ZNF862: variants seen among roughly 807,000 people sequenced by gnomAD.
ZNF862 encodes zinc finger protein 862.
In ZNF862, 64 loss-of-function variants were observed where a neutral mutation model predicts 91.1. That is an observed-to-expected ratio of 0.70 (90% CI 0.57 to 0.87). The LOEUF (loss-of-function observed/expected upper bound fraction) is 0.87, where lower values mean the gene tolerates loss of function less well. ZNF862 is among the 40% of genes least tolerant of loss of function. The probability of loss-of-function intolerance (pLI) is 0.00; values close to 1 mark genes in which losing one functional copy is unlikely to be tolerated. For missense variants in ZNF862, 1,459 were observed against 1,528.0 expected (o/e 0.95, Z 0.75); for synonymous variants, 631 against 618.1 (o/e 1.02, Z -0.31).
At chr7:149,843,504 GTT>G (rs57060501) in intron 1 of ZNF862, among the ~76,000 whole-genome samples, 1 of 151,870 alleles carries the variant, frequency 6.6e-6, no homozygotes, top group African/African-American at 2.4e-5. Flanking sequence ...CTTGATGATA[GTT>G]TTTTTTAAGT....
At chr7:149,846,047 C>A in intron 2 of ZNF862, 104 bp from the exon 3 acceptor site, 1 of 780,374 alleles carries the variant, frequency 1.3e-6, no homozygotes, top group Non-Finnish European at 2.1e-6. Flanking sequence ...CTCACCATGC[C>A]GAGAGATGTC....
In ZNF862 at chr7:149,850,853, A is replaced by T. The variant is rs1349226539; in HGVS notation, c.1117+515A>T. On this transcript the variant is annotated intron_variant, in intron 5 of 7. Coordinates refer to ENST00000223210, the MANE Select transcript of ZNF862 (RefSeq NM_001099220.3). This position sits in a 1 kb window ranked among gnomAD's most constrained non-coding sequence, Gnocchi z 4.2. ...AGGGCATTGAGCCATGATGGAGGGG[A>T]CGGCCTGGCAGAGCCACCCCTATCT... 6.4e-6 allele frequency: 1 copy of T among 156,664 alleles called. No individual in the cohort carries two copies. Among genetic ancestry groups the T allele is most frequent in the African/African-American group, 2.4e-5 (1 of 41,440 alleles). The allele number at this position is 156,664 out of a possible 1,614,324, so 9.7% of individuals were successfully genotyped here.
In ZNF862 at chr7:149,861,602, G is replaced by T. The variant is rs1362996342; in HGVS notation, c.2442G>T (p.Val814=). The stretch of plus-strand genomic sequence containing the variant: ...CCCTGGCCAGGCACCTCCAGAGGGT[G>T]GCAGAGGCTGGGGGCCAGATTGGGC... ...WPALARHLQR[V]AEAGGQIGHR... Residue 814 remains valine, a synonymous_variant, in exon 7 of 8, where the codon GTG becomes GTT. Coordinates refer to ENST00000223210, the MANE Select transcript of ZNF862 (RefSeq NM_001099220.3). The surrounding 1 kb of genome is among the most constrained non-coding windows in gnomAD (Gnocchi z 6.7). 6.2e-7 allele frequency: 1 copy of T among 1,600,046 alleles called. No homozygotes were observed. Among genetic ancestry groups the T allele is most frequent in the Admixed American group, 1.7e-5 (1 of 58,474 alleles).
chr7:149,861,212 C>T lies in ZNF862; in HGVS notation c.2052C>T (p.Pro684=). The T allele has an allele frequency of 2.5e-6, 4 of 1,612,398 alleles. No homozygotes were observed. Among genetic ancestry groups the T allele is most frequent in the Non-Finnish European group, 3.4e-6 (4 of 1,179,588 alleles). Residue 684 remains proline (P), a synonymous_variant, in exon 7 of 8, where the codon CCC becomes CCT. Coordinates refer to ENST00000223210, the MANE Select transcript of ZNF862 (RefSeq NM_001099220.3). The surrounding 1 kb of genome is among the most constrained non-coding windows in gnomAD (Gnocchi z 6.7). ...CTGCCCTGGATGAGCTGGACATCCC[C>T]TTCCGGAAGCCTGGCTGGGTGGTGG... The part of the protein sequence containing the change: ...IVSALDELDI[P]FRKPGWVVGL...
In ZNF862 at chr7:149,861,311, G is replaced by A. The variant is rs745899618; in HGVS notation, c.2151G>A (p.Pro717=). The part of the protein sequence containing the change: ...GLVEKFQEVI[P]QLLPVHCVAH... ...TGGAAAAGTTCCAGGAGGTCATCCC[G>A]CAGCTGCTGCCTGTCCACTGCGTGG... Residue 717 remains proline (P), a synonymous_variant, in exon 7 of 8, where the codon CCG becomes CCA. Transcript: ENST00000223210. The surrounding 1 kb of genome is among the most constrained non-coding windows in gnomAD (Gnocchi z 6.7). 3.1e-6 allele frequency: 5 copies of A among 1,612,840 alleles called. No individual in the cohort carries two copies. Among genetic ancestry groups the A allele is most frequent in the East Asian group, 2.2e-5 (1 of 44,862 alleles).
In ZNF862 at chr7:149,848,222, C is replaced by A. The variant is rs1438612917; in HGVS notation, c.729C>A (p.Tyr243Ter). The stretch of plus-strand genomic sequence containing the variant: ...TCACTGCAGATTGCCCCATATTCTA[C>A]CCCCCAGGGCCTCTGGGAGGATTTG... The part of the protein sequence containing the change: ...PLFTADCPIF[Y>*]PPGPLGGFDS... The change falls in exon 4 of 8, where the codon TAC becomes TAA. Residue 243 changes from tyrosine to a stop codon, truncating the protein, a stop_gained. Transcript: ENST00000223210. LOFTEE classifies it high-confidence loss of function. 2 of 1,613,760 alleles carry A rather than the reference C, an allele frequency of 1.2e-6. No individual in the cohort carries two copies. Among genetic ancestry groups the A allele is most frequent in the Non-Finnish European group, 1.7e-6 (2 of 1,179,792 alleles).
At chr7:149,846,490 T>G (rs1372767373) in intron 3 of ZNF862, among the ~76,000 whole-genome samples, 2 of 152,366 alleles carry the variant, frequency 1.3e-5, no homozygotes, top group African/African-American at 2.4e-5. Flanking sequence ...TTATTTATAA[T>G]TATTATAAGT....
chr7:149,852,355 G>GTC (rs1802093962), intron 5 of ZNF862, among the ~76,000 whole-genome samples: 1 of 136,006 alleles, frequency 7.4e-6, no homozygotes, highest in African/African-American at 2.6e-5. Context: ...GTGTGTGTGT[G>GTC]TGTGTGTGTG....
intron 5 of ZNF862, among the ~76,000 whole-genome samples, chr7:149,857,267 A>G (rs1802293715): frequency 6.6e-6 from 1 of 151,302 alleles, no homozygotes; most frequent in Non-Finnish European, 1.5e-5. Flanking sequence ...TTGATATTGG[A>G]CTTCCTGGAT....
intron 1 of ZNF862, chr7:149,841,491 GTTGAC>G (rs763072086): frequency 1.0e-6 from 1 of 981,360 alleles, no homozygotes; most frequent in Non-Finnish European, 1.2e-6. Context: ...TTACGTATTT[GTTGAC>G]TTGACTCTTA....
chr7:149,860,332 A>G (rs1027050029), intron 6 of ZNF862, 51 bp from the exon 7 acceptor site: 10 of 1,525,438 alleles, frequency 6.6e-6, no homozygotes, highest in African/African-American at 2.8e-5. Flanking sequence ...CTGATAGAAG[A>G]TGGCAGAGTT....
At chr7:149,859,582 G>C (rs913859843) in intron 6 of ZNF862, 56 bp downstream of exon 6, 3 of 1,408,306 alleles carry the variant, frequency 2.1e-6, no homozygotes, top group Non-Finnish European at 2.9e-6. Flanking sequence ...AGGCGGCTAT[G>C]ATGAGTCAAA....
Position 149,861,479 on chromosome 7 carries a change from T to C in ZNF862, c.2319T>C (p.Pro773=), listed in dbSNP as rs558284974. 1.2e-6 allele frequency: 2 copies of C among 1,612,976 alleles called. No individual in the cohort carries two copies. The highest frequency in any genetic ancestry group is 2.7e-5 in the African/African-American group (2 of 75,068). ...ACGAGCTGCAGGAAGGTGCGGCGCC[T>C]CTGGAGCAGGAGATCATCCGCCTGA... ...RLNELQEGAA[P]LEQEIIRLKD... The change falls in exon 7 of 8, where the codon CCT becomes CCC. Residue 773 remains proline, a synonymous_variant. Transcript: ENST00000223210. The surrounding 1 kb of genome is among the most constrained non-coding windows in gnomAD (Gnocchi z 6.7).
At chr7:149,841,470 CATTT>C (rs1428062752) in intron 1 of ZNF862, 1 of 976,062 alleles carries the variant, frequency 1.0e-6, no homozygotes, top group Non-Finnish European at 1.2e-6. Context: ...TTCTCATGTT[CATTT>C]ATTTATTTAC....
At chr7:149,844,394 G>A (rs1801802195) in intron 1 of ZNF862, among the ~76,000 whole-genome samples, 1 of 152,164 alleles carries the variant, frequency 6.6e-6, no homozygotes, top group African/African-American at 2.4e-5. Flanking sequence ...AAGCTCCTGA[G>A]CCAGCCTCCT....
At chr7:149,856,870 C>T (rs890917623) in intron 5 of ZNF862, among the ~76,000 whole-genome samples, 2 of 152,220 alleles carry the variant, frequency 1.3e-5, no homozygotes, top group African/African-American at 4.8e-5. Context: ...TGTCTAAAAA[C>T]ATCATATTCT....
chr7:149,864,071 T>C (rs751832987), intron 7 of ZNF862, 38 bp from the exon 8 acceptor site: 109 of 1,539,376 alleles, frequency 7.1e-5, no homozygotes, highest in Non-Finnish European at 9.3e-5. Flanking sequence ...GCGGTCACTG[T>C]CAGTCAGTCT....
rs181011717 is a variant in ZNF862 at position 149,863,261 on chromosome 7, C to T, written c.3334+767C>T. 2.4e-3 allele frequency among the ~76,000 whole-genome samples: 367 copies of T among 152,284 alleles called. 4 individuals carry two copies. The highest frequency in any genetic ancestry group is 0.017 in the Middle Eastern group (5 of 294). On this transcript the variant is annotated intron_variant, in intron 7 of 7. Coordinates refer to ENST00000223210, the MANE Select transcript of ZNF862 (RefSeq NM_001099220.3). The stretch of plus-strand genomic sequence containing the variant: ...TTGTTGGGGTTCTCCAGACCACTCG[C>T]GACCACTTGACAAGGATGGAGCAGT...
intron 5 of ZNF862, among the ~76,000 whole-genome samples, chr7:149,857,851 AT>A (rs1452274940): frequency 2.0e-5 from 3 of 152,278 alleles, no homozygotes; most frequent in African/African-American, 7.2e-5. Flanking sequence ...CCCAGCCAAC[AT>A]TCTTGGAGTC....
Sources: allele counts gnomAD v4.1 joint callset (sites outside exome capture counted in the v4.1 genomes callset), GRCh38; gene constraint gnomAD v4.1.1; non-coding constraint Gnocchi (gnomAD v3.1); transcripts MANE v1.5; gene names NCBI Gene and HGNC (gene_info 2026-07-23, HGNC 2026-07-21).